Variants in HYDIN observed in about 807,000 individuals in gnomAD.
HYDIN encodes axonemal central pair apparatus protein HYDIN.
HYDIN carries 132 observed loss-of-function variants against 403.9 expected under a neutral mutation model. The observed-to-expected ratio is 0.33, with a 90% CI of 0.28 to 0.38. The LOEUF is 0.38. Among genes scored for constraint, HYDIN ranks in the 10% least tolerant of loss-of-function variants. The pLI is 1.00. For synonymous variants in HYDIN, 1,202 were observed against 1,891.7 expected (o/e 0.64, Z 9.46); for missense variants, 2,827 against 5,009.5 (o/e 0.56, Z 13.15).
At position 71,074,794 on chromosome 16, in the gene HYDIN, A is replaced by G. The variant is rs564760547; in HGVS notation, c.1738+5091T>C. ...CACCATGCTTCTTTGTGAAAAGTCT[A>G]TTTGATGAGAGACCAATCCACCTGG... On this transcript the variant is annotated intron_variant, in intron 13 of 85. Coordinates refer to ENST00000393567, the MANE Select transcript of HYDIN (RefSeq NM_001270974.2). Among the ~76,000 whole-genome samples, 8 of 151,308 alleles carry G rather than the reference A, an allele frequency of 5.3e-5. No homozygotes were observed. The South Asian group carries it at 1.0e-3, about 20-fold the overall frequency.
chr16:70,981,644 C>T (rs2079049190), intron 28 of HYDIN, 76 bp from the exon 29 acceptor site: 10 of 1,444,856 alleles, frequency 6.9e-6, no homozygotes, highest in Non-Finnish European at 9.1e-6. Context: ...TTACTTAAAA[C>T]AACAACAACA....
At chr16:71,031,424 G>T (rs1414818692) in intron 19 of HYDIN, 9 of 1,314,074 alleles carry the variant, frequency 6.8e-6, no homozygotes, top group Non-Finnish European at 7.8e-6. Flanking sequence ...TTTGAGAAAA[G>T]AATGCATTTC....
At chr16:70,836,804 T>G (rs1282776041) in intron 77 of HYDIN, among the ~76,000 whole-genome samples, 3 of 152,208 alleles carry the variant, frequency 2.0e-5, no homozygotes, top group African/African-American at 4.8e-5. Flanking sequence ...CATGTGTAAG[T>G]CACTTGTGCA....
Position 70,989,897 on chromosome 16 carries a change from T to C in HYDIN, c.3865-1385A>G, listed in dbSNP as rs58678649. Among the ~76,000 whole-genome samples, 1,095 of 152,266 alleles carry C rather than the reference T, an allele frequency of 7.2e-3. 88 individuals are homozygous for C. The East Asian group carries it at 0.17, about 24-fold the overall frequency. On this transcript the variant is annotated intron_variant, in intron 25 of 85. Transcript: ENST00000393567. ...AACAGAAAAAAAATTCCTGCCCTCATGAAGATTAAATTCCAGAGATATTCC... is the reference window on the plus strand; with the variant it reads ...AACAGAAAAAAAATTCCTGCCCTCACGAAGATTAAATTCCAGAGATATTCC...
chr16:71,055,142 T>C (rs1266570194), intron 18 of HYDIN, among the ~76,000 whole-genome samples: 3 of 152,414 alleles, frequency 2.0e-5, no homozygotes, highest in African/African-American at 7.2e-5. Flanking sequence ...TCCAAGTCCA[T>C]TTTCATAAGC....
rs374568212 is a variant in HYDIN at position 70,938,569 on chromosome 16, G to T, written c.6995+45C>A. 2.1e-5 allele frequency: 28 copies of T among 1,336,502 alleles called. No homozygotes were observed. The African/African-American group carries it at 3.0e-4, about 14-fold the overall frequency. The allele number at this position is 1,336,502 out of a possible 1,614,324, so 82.8% of individuals were successfully genotyped here. Reference sequence around the variant, plus strand: ...CGGTCCTGGTCACTCTGTGGGGACGGTCCCGGGGGAATGGCTTCTGCTCTG... The same window carrying T: ...CGGTCCTGGTCACTCTGTGGGGACGTTCCCGGGGGAATGGCTTCTGCTCTG... On this transcript the variant is annotated intron_variant, in intron 44 of 85. Transcript: ENST00000393567.
At chr16:71,041,725 T>C (rs935478749) in intron 18 of HYDIN, among the ~76,000 whole-genome samples, 5 of 152,284 alleles carry the variant, frequency 3.3e-5, no homozygotes, top group Admixed American at 2.6e-4. Flanking sequence ...CATGATGTGA[T>C]GACAAGTGAT....
intron 9 of HYDIN, among the ~76,000 whole-genome samples, chr16:71,127,072 G>C (rs1478481664): frequency 3.3e-5 from 5 of 152,130 alleles, no homozygotes; most frequent in African/African-American, 1.2e-4. Context: ...TAGTTTTTAA[G>C]TAAGGAGATT....
intron 45 of HYDIN, among the ~76,000 whole-genome samples, chr16:70,932,703 A>G (rs1252158185): frequency 1.3e-5 from 2 of 152,224 alleles, no homozygotes; most frequent in Non-Finnish European, 2.9e-5. Flanking sequence ...AATCCTGAAG[A>G]GGAGTTCAGT....
intron 11 of HYDIN, among the ~76,000 whole-genome samples, chr16:71,088,974 T>C (rs9923072): frequency 0.061 from 6,810 of 110,874 alleles, 901 homozygotes; most frequent in African/African-American, 0.26. Context: ...GTTTATAATG[T>C]AGCTTGAAGA....
At chr16:71,028,722 T>A (rs1419280185) in intron 19 of HYDIN, among the ~76,000 whole-genome samples, 4 of 152,124 alleles carry the variant, frequency 2.6e-5, no homozygotes, top group Admixed American at 6.5e-5. Context: ...AGTTGAACCA[T>A]GAAATAAACA....
At chr16:71,183,875 T>A (rs1007918783) in intron 3 of HYDIN, among the ~76,000 whole-genome samples, 1 of 152,124 alleles carries the variant, frequency 6.6e-6, no homozygotes, top group African/African-American at 2.4e-5. Context: ...TCATCCTTTA[T>A]AGCAGAGTCA....
chr16:70,853,688 G>A (rs982885171), intron 73 of HYDIN, among the ~76,000 whole-genome samples: 28 of 141,552 alleles, frequency 2.0e-4, no homozygotes, highest in East Asian at 3.9e-4. Context: ...AGGGTGAGGA[G>A]GTGTTGCTTG....
Position 70,803,731 on chromosome 16 carries a change from G to GA in HYDIN, c.*3848_*3849insT, listed in dbSNP as rs2034991692. The stretch of plus-strand genomic sequence containing the variant: ...GGAGTTTCAGGGCAACAGGGTTTAA[G>GA]GTATTAGGTAGAGGTCTTGAAATGT... On this transcript the variant is annotated 3_prime_UTR_variant, in exon 86 of 86. Coordinates refer to ENST00000393567, the MANE Select transcript of HYDIN (RefSeq NM_001270974.2). 3.3e-5 allele frequency among the ~76,000 whole-genome samples: 5 copies of GA among 152,170 alleles called. No individual in the cohort carries two copies. The highest frequency in any genetic ancestry group is 7.3e-5 in the Non-Finnish European group (5 of 68,034).
intron 13 of HYDIN, among the ~76,000 whole-genome samples, chr16:71,069,830 G>T (rs1410051045): frequency 3.3e-5 from 5 of 152,210 alleles, no homozygotes; most frequent in Non-Finnish European, 7.3e-5. Context: ...TCTGTTAGTA[G>T]TTGGCTGAGT....
intron 37 of HYDIN, among the ~76,000 whole-genome samples, chr16:70,962,674 A>G (rs1326917719): frequency 2.0e-5 from 3 of 147,342 alleles, no homozygotes; most frequent in African/African-American, 2.5e-5. Flanking sequence ...TTGATTGCCC[A>G]TTGTTCTATA....
intron 28 of HYDIN, among the ~76,000 whole-genome samples, chr16:70,982,142 GAAAAAAAA>G (rs147760690): frequency 7.6e-6 from 1 of 131,822 alleles, no homozygotes; most frequent in Non-Finnish European, 1.6e-5. Flanking sequence ...AAAAAAAAAA[GAAAAAAAA>G]AAGAAAAATC....
chr16:71,059,801 T>G (rs2082022349), intron 18 of HYDIN, among the ~76,000 whole-genome samples: 1 of 152,208 alleles, frequency 6.6e-6, no homozygotes, highest in Non-Finnish European at 1.5e-5. Flanking sequence ...AAAAAAGTTA[T>G]ATGTGAATTT....
At chr16:71,041,734 A>AT (rs1354088687) in intron 18 of HYDIN, among the ~76,000 whole-genome samples, 2 of 151,792 alleles carry the variant, frequency 1.3e-5, no homozygotes, top group East Asian at 1.9e-4. Flanking sequence ...ATGACAAGTG[A>AT]TTTTTTTTGT....
Sources: gnomAD v4.1 joint callset for allele counts (sites outside exome capture counted in the v4.1 genomes callset) on GRCh38, gnomAD v4.1.1 for gene constraint, MANE v1.5 for transcripts, NCBI Gene and HGNC (gene_info 2026-07-23, HGNC 2026-07-21) for gene names.